Variants in INTS6 observed in about 807,000 individuals in gnomAD.
The protein encoded by INTS6 is DEAD box protein.
A neutral mutation model predicts 104.9 loss-of-function variants in INTS6; 16 were observed. That is an observed-to-expected ratio of 0.15 (90% CI 0.10 to 0.23). The LOEUF is 0.23. Ranked by LOEUF, INTS6 falls within the 10% of genes least tolerant of loss-of-function variation. INTS6 has a pLI of 1.00. For missense variants in INTS6, 584 were observed against 1,062.8 expected, an observed-to-expected ratio of 0.55 and a Z score of 6.26; for synonymous variants, 324 against 358.7, an observed-to-expected ratio of 0.90 and a Z score of 1.09.
chr13:51,402,082 C>T (rs1009568892), intron 4 of INTS6, among the ~76,000 whole-genome samples: 2 of 152,090 alleles, frequency 1.3e-5, no homozygotes, highest in African/African-American at 4.8e-5. Context: ...AGTTACTCTT[C>T]ATACAAAGGA....
In INTS6 at chr13:51,361,830, T is replaced by C; in HGVS notation, c.*3922A>G. 6.2e-7 allele frequency: 1 copy of C among 1,610,038 alleles called. No individual in the cohort carries two copies. Among genetic ancestry groups the C allele is most frequent in the Non-Finnish European group, 8.5e-7 (1 of 1,178,172 alleles). ...TGCAGCTCTGTTGTTATTGAAAAGG[T>C]CTCGGATTCCTATTTTTAAAGCAGA... On this transcript the variant is annotated 3_prime_UTR_variant, in exon 18 of 18. Transcript: ENST00000311234.
At chr13:51,382,476 T>G (rs1593683973) in intron 9 of INTS6, among the ~76,000 whole-genome samples, 1 of 152,348 alleles carries the variant, frequency 6.6e-6, no homozygotes, top group East Asian at 1.9e-4. Context: ...CTTTTAAATT[T>G]AATGTGATTT....
chr13:51,367,462 A>AT (rs1022961210), intron 17 of INTS6, among the ~76,000 whole-genome samples: 9 of 152,116 alleles, frequency 5.9e-5, no homozygotes, highest in African/African-American at 2.2e-4. Flanking sequence ...CAAGTACGTT[A>AT]TTTTTAGTCA....
chr13:51,392,820 C>T (rs1433881429), intron 5 of INTS6, among the ~76,000 whole-genome samples: 1 of 152,030 alleles, frequency 6.6e-6, no homozygotes, highest in African/African-American at 2.4e-5. Context: ...AAGACATAAG[C>T]TTTCTATTGT....
rs1469835177 is a variant in INTS6 at position 51,409,267 on chromosome 13, A to C, written c.430-13784T>G. Among the ~76,000 whole-genome samples, 3 of 8,434 alleles carry C rather than the reference A, an allele frequency of 3.6e-4. No homozygotes were observed. In the African/African-American group the frequency reaches 3.6e-3, roughly 10 times the overall value. 5.5% of individuals were successfully genotyped at this position (8,434 alleles called of 152,430 possible). ...GACAGAGTGAGAATCCGTCTCAAAT[A>C]ATAATAATAATAATAATAATAATAA... On this transcript the variant is annotated intron_variant, in intron 4 of 17. Coordinates refer to ENST00000311234, the MANE Select transcript of INTS6 (RefSeq NM_012141.3).
chr13:51,387,561 C>A, intron 6 of INTS6, 21 bp from the exon 7 acceptor site: 1 of 1,591,620 alleles, frequency 6.3e-7, no homozygotes, highest in African/African-American at 1.3e-5. Context: ...GAAATTAAGA[C>A]AAAGAAAGCA....
At chr13:51,334,666 C>G in the INTS6 span, among the ~76,000 whole-genome samples, 1 of 152,066 alleles carries the variant, frequency 6.6e-6, no homozygotes, top group African/African-American at 2.4e-5. Context: ...TAGTAAAGAG[C>G]AGAACTTGTC....
chr13:51,450,425 C>T, intron 3 of INTS6: 1 of 985,226 alleles, frequency 1.0e-6, no homozygotes, highest in Non-Finnish European at 1.2e-6. Flanking sequence ...TCTTTTTTTC[C>T]AAGGGTTTGG....
At chr13:51,343,145 G>C in the INTS6 span, among the ~76,000 whole-genome samples, 1 of 152,200 alleles carries the variant, frequency 6.6e-6, no homozygotes, top group Non-Finnish European at 1.5e-5. Context: ...TGTCAGAGGG[G>C]ACAGACCCCA....
At chr13:51,372,880 T>A (rs1955838460) in intron 15 of INTS6, among the ~76,000 whole-genome samples, 1 of 152,220 alleles carries the variant, frequency 6.6e-6, no homozygotes, top group Non-Finnish European at 1.5e-5. Context: ...ACATCAAATA[T>A]ACAGTCAGTG....
chr13:51,393,959 GA>G (rs922316944), intron 5 of INTS6, among the ~76,000 whole-genome samples: 2 of 151,504 alleles, frequency 1.3e-5, no homozygotes, highest in African/African-American at 2.4e-5. Flanking sequence ...TCCTAGTAAG[GA>G]ATTTCCAATG....
chr13:51,377,869 T>A (rs1955964956), intron 12 of INTS6, among the ~76,000 whole-genome samples: 1 of 152,146 alleles, frequency 6.6e-6, no homozygotes, highest in Non-Finnish European at 1.5e-5. Flanking sequence ...GATAAAGATA[T>A]CTGTAACCAT....
chr13:51,452,233 C>A lies in INTS6; in HGVS notation c.112-178G>T. On this transcript the variant is annotated intron_variant, in intron 1 of 17. Transcript: ENST00000311234. This position sits in a 1 kb window ranked among gnomAD's most constrained non-coding sequence, Gnocchi z 4.2. ...CCCCACACACCGCCCGGGGCCGGAGCCCGGGCCCCGGCCGAACCCGGCTCG... is the reference window on the plus strand; with the variant it reads ...CCCCACACACCGCCCGGGGCCGGAGACCGGGCCCCGGCCGAACCCGGCTCG... The A allele has an allele frequency of 3.0e-6, 2 of 662,622 alleles. No individual in the cohort carries two copies. The highest frequency in any genetic ancestry group is 8.1e-5 in the East Asian group (2 of 24,722). The allele number at this position is 662,622 out of a possible 1,614,324, so 41.0% of individuals were successfully genotyped here. A position where few individuals can be genotyped will look rare whatever the true frequency, so the allele number is the denominator to read the frequency against.
intron 3 of INTS6, chr13:51,448,946 C>T (rs1952979635): frequency 6.6e-6 from 1 of 152,104 alleles, no homozygotes; most frequent in Non-Finnish European, 1.5e-5. Context: ...AAGAAGAAAA[C>T]ACATGAACAA....
chr13:51,369,065 C>T lies in INTS6; in HGVS notation c.2350G>A (p.Ala784Thr). The T allele has an allele frequency of 6.2e-7, 1 of 1,613,840 alleles. No individual in the cohort carries two copies. Among genetic ancestry groups the T allele is most frequent in the Non-Finnish European group, 8.5e-7 (1 of 1,179,860 alleles). Reference sequence around the variant, plus strand: ...GAAGATGCTGGTATGTTCTCTTCAGCACATTGTTCTTTATCTCTTGGCTCC... The same window carrying T: ...GAAGATGCTGGTATGTTCTCTTCAGTACATTGTTCTTTATCTCTTGGCTCC... ...HEEPRDKEQC[A>T]EENIPASSLN... is the part of the protein sequence containing the mutation. Residue 784 changes from alanine (A) to threonine (T), a missense_variant, in exon 16 of 18, where the codon GCT (alanine) becomes ACT (threonine). Physicochemically the swap from Ala to Thr is moderately conservative, Grantham distance 58 (BLOSUM62 0). Transcript: ENST00000311234.
chr13:51,423,341 T>C (rs945795160), intron 4 of INTS6, among the ~76,000 whole-genome samples: 5 of 151,886 alleles, frequency 3.3e-5, no homozygotes, highest in Non-Finnish European at 7.4e-5. Context: ...TGTGTGTGTG[T>C]GCATGTGTGT....
At chr13:51,342,365 C>T in the INTS6 span, among the ~76,000 whole-genome samples, 1 of 152,068 alleles carries the variant, frequency 6.6e-6, no homozygotes, top group Non-Finnish European at 1.5e-5. Flanking sequence ...TCTGTCTGGG[C>T]CTCTGCTCGC....
At chr13:51,437,816 C>G (rs1952718922) in intron 3 of INTS6, 1 of 152,182 alleles carries the variant, frequency 6.6e-6, no homozygotes, top group Non-Finnish European at 1.5e-5. Context: ...CCAGACCAGC[C>G]TGGCCAACAT....
chr13:51,447,725 A>G (rs1484967023), intron 3 of INTS6: 4 of 145,070 alleles, frequency 2.8e-5, no homozygotes, highest in African/African-American at 5.2e-5. Flanking sequence ...TAACTAACAT[A>G]ATTTACTGAA....
Sources: allele counts gnomAD v4.1 joint callset (sites outside exome capture counted in the v4.1 genomes callset), GRCh38; gene constraint gnomAD v4.1.1; non-coding constraint Gnocchi (gnomAD v3.1); transcripts MANE v1.5; gene names NCBI Gene and HGNC (gene_info 2026-07-23, HGNC 2026-07-21).